Variants in CARF observed in about 807,000 individuals in gnomAD.
The protein encoded by CARF is calcium responsive transcription factor, also known as calcium-responsive transcription factor.
A neutral mutation model predicts 82.0 loss-of-function variants in CARF; 57 were observed. The observed-to-expected ratio is 0.70, with a 90% CI of 0.56 to 0.87. The LOEUF (loss-of-function observed/expected upper bound fraction) is 0.87. Ranked by LOEUF, CARF falls within the 40% of genes least tolerant of loss-of-function variation. CARF has a pLI of 0.00. For synonymous variants in CARF, 268 were observed against 290.1 expected, an observed-to-expected ratio of 0.92 and a Z score of 0.77; for missense variants, 771 against 855.8, an observed-to-expected ratio of 0.90 and a Z score of 1.24.
rs2060486201 is a variant in CARF at position 202,987,534 on chromosome 2, A to G, written c.*3910A>G. Among the ~76,000 whole-genome samples, 1 of 152,310 alleles carries G rather than the reference A, an allele frequency of 6.6e-6. No individual in the cohort carries two copies. Among genetic ancestry groups the G allele is most frequent in the East Asian group, 1.9e-4 (1 of 5,186 alleles). On this transcript the variant is annotated 3_prime_UTR_variant, in exon 17 of 17. Coordinates refer to ENST00000438828, the MANE Select transcript of CARF (RefSeq NM_024744.17). ...ATCTGTCATTCTACTTAATTAACTT[A>G]GTCATAAGGACAAAGCCTTAGTATA...
At chr2:202,915,429 G>A (rs1027454364) in intron 1 of CARF, among the ~76,000 whole-genome samples, 1 of 152,106 alleles carries the variant, frequency 6.6e-6, no homozygotes, top group Admixed American at 6.5e-5. Context: ...CAATAGCTGC[G>A]ATTGCAGGCT....
intron 2 of CARF, among the ~76,000 whole-genome samples, chr2:202,921,175 G>A (rs554236185): frequency 2.0e-4 from 31 of 152,168 alleles, no homozygotes; most frequent in African/African-American, 7.2e-4. Context: ...CTCATTTTTT[G>A]TATTTTTGGT....
At chr2:202,920,151 C>A (rs1022747608) in intron 2 of CARF, among the ~76,000 whole-genome samples, 1 of 151,420 alleles carries the variant, frequency 6.6e-6, no homozygotes, top group Non-Finnish European at 1.5e-5. Flanking sequence ...CAATTAAATT[C>A]ATAATCTTTT....
rs886624895 is a variant in CARF at position 202,971,701 on chromosome 2, G to A, written c.1294G>A (p.Gly432Arg). The A allele has an allele frequency of 5.0e-6, 8 of 1,613,274 alleles. 1 individual carries two copies. Among genetic ancestry groups the A allele is most frequent in the South Asian group, 4.4e-5 (4 of 91,044 alleles). The change falls in exon 12 of 17, where the codon GGA becomes AGA. Residue 432 changes from glycine (G) to arginine (R), a missense_variant. Gly to Arg is a moderately radical substitution (Grantham distance 125). Coordinates refer to ENST00000438828, the MANE Select transcript of CARF (RefSeq NM_024744.17). The part of the protein sequence containing the change: ...AHKIQELVSQ[G>R]IEQVYAVRKQ... ...TAAGATTCAAGAATTAGTATCACAGGGAATAGAACAAGTGTATGCAGTAAG... is the reference window on the plus strand; with the variant it reads ...TAAGATTCAAGAATTAGTATCACAGAGAATAGAACAAGTGTATGCAGTAAG...
At chr2:202,964,270 CTTTG>C (rs150872062) in intron 9 of CARF, among the ~76,000 whole-genome samples, 15 of 151,656 alleles carry the variant, frequency 9.9e-5, no homozygotes, top group Non-Finnish European at 1.2e-4. Context: ...GTTTAAAAAT[CTTTG>C]TTTGTTTGTT....
rs376224985 is a variant in CARF, at chr2:202,915,120, G to A, written c.-330+2018G>A. Among the ~76,000 whole-genome samples the A allele has an allele frequency of 6.1e-4, 93 of 151,420 alleles. 1 individual carries two copies. The East Asian group carries it at 0.012, about 20-fold the overall frequency. On this transcript the variant is annotated intron_variant, in intron 1 of 16. Transcript: ENST00000438828. ...CAACCTCCGCCTTCCAGGTTGAAGC[G>A]ATTCTCCTGCCTCAGCTTCCCGAGT...
chr2:202,952,673 C>A lies in CARF; in HGVS notation c.421C>A (p.Pro141Thr). Residue 141 changes from proline to threonine, a missense_variant, in exon 6 of 17, where the codon CCT becomes ACT. Transcript: ENST00000438828. The stretch of plus-strand genomic sequence containing the variant: ...GGGGCAACTTGTGGATGTGAATAGT[C>A]CTCGGGGTGAGTAACAACGGGATAT... ...PQGQLVDVNS[P>T]RDVPEEKPSN... The A allele has an allele frequency of 6.2e-7, 1 of 1,610,952 alleles. No individual in the cohort carries two copies. The highest frequency in any genetic ancestry group is 1.1e-5 in the South Asian group (1 of 90,516).
chr2:202,948,369 T>C (rs544610774), intron 5 of CARF, among the ~76,000 whole-genome samples: 1 of 152,154 alleles, frequency 6.6e-6, no homozygotes, highest in Non-Finnish European at 1.5e-5. Flanking sequence ...TTTAAAATAG[T>C]TTTTTTCTGG....
At chr2:202,942,011 C>T in intron 4 of CARF, 31 bp downstream of exon 4, 1 of 1,546,772 alleles carries the variant, frequency 6.5e-7, no homozygotes, top group Non-Finnish European at 8.9e-7. Flanking sequence ...CTTTTTCCAT[C>T]CTAGGGTAAA....
rs74267853 is a variant in CARF at position 202,958,994 on chromosome 2, T to C, written c.643-2243T>C. Among the ~76,000 whole-genome samples, 143 of 152,138 alleles carry C rather than the reference T, an allele frequency of 9.4e-4. 1 individual carries two copies. The East Asian group carries it at 0.025, about 26-fold the overall frequency. ...ATATTGTTTAGTAATCTTTTATTTT[T>C]TGAATTTCTCATTTAATGATGTTTT... On this transcript the variant is annotated intron_variant, in intron 8 of 16. Transcript: ENST00000438828.
chr2:202,969,665 G>A (rs2105908795), intron 10 of CARF, among the ~76,000 whole-genome samples: 2 of 152,112 alleles, frequency 1.3e-5, no homozygotes, highest in South Asian at 4.1e-4. Flanking sequence ...AGAATGAAGA[G>A]AAGGCAAATC....
chr2:202,953,893 A>G, intron 6 of CARF, 112 bp from the exon 7 acceptor site: 1 of 865,630 alleles, frequency 1.2e-6, no homozygotes, highest in Non-Finnish European at 1.6e-6. Flanking sequence ...TTTACTCTCA[A>G]TAAAGCATAA....
At chr2:202,951,916 TCTGCCTCCCAGATTCAAG>T in intron 5 of CARF, among the ~76,000 whole-genome samples, 1 of 151,392 alleles carries the variant, frequency 6.6e-6, no homozygotes, top group African/African-American at 2.4e-5. Context: ...CACTGCAACC[TCTGCCTCCCAGATTCAAG>T]TGATTCTCCT....
intron 12 of CARF, among the ~76,000 whole-genome samples, chr2:202,972,903 A>G (rs1200456433): frequency 2.6e-5 from 4 of 152,162 alleles, no homozygotes; most frequent in Non-Finnish European, 4.4e-5. Context: ...TCCTTGAGTT[A>G]TATCGTTCTG....
At chr2:202,973,641 C>T in intron 12 of CARF, 3 of 282,986 alleles carry the variant, frequency 1.1e-5, no homozygotes, top group South Asian at 1.0e-4. Flanking sequence ...GTTCTATCAT[C>T]TGTAAAGTGG....
At chr2:202,937,458 TA>T (rs146618805) in intron 3 of CARF, among the ~76,000 whole-genome samples, 6,423 of 152,112 alleles carry the variant, frequency 0.042, 439 homozygotes, top group African/African-American at 0.14. Flanking sequence ...TTTTTTGAAA[TA>T]TTTTTTTTTG....
chr2:202,932,647 T>TGCAGCAGCAGCAGCA (rs374632298), intron 3 of CARF, among the ~76,000 whole-genome samples: 2 of 151,536 alleles, frequency 1.3e-5, no homozygotes, highest in African/African-American at 4.8e-5. Flanking sequence ...TGAGGCCAGT[T>TGCAGCAGCAGCAGCA]GCAGCAGCAG....
chr2:202,943,985 G>C (rs1315180575), intron 5 of CARF, among the ~76,000 whole-genome samples: 1 of 152,112 alleles, frequency 6.6e-6, no homozygotes, highest in Non-Finnish European at 1.5e-5. Flanking sequence ...TCACTGACCT[G>C]CAAGCCACTT....
chr2:202,961,531 A>T (rs1236562268), intron 9 of CARF, 105 bp downstream of exon 9: 1 of 940,294 alleles, frequency 1.1e-6, no homozygotes, highest in African/African-American at 1.6e-5. Flanking sequence ...GTAGCTGACA[A>T]TTGAATGCTA....
Sources: gnomAD v4.1 joint callset for allele counts (sites outside exome capture counted in the v4.1 genomes callset) on GRCh38, gnomAD v4.1.1 for gene constraint, MANE v1.5 for transcripts, NCBI Gene and HGNC (gene_info 2026-07-23, HGNC 2026-07-21) for gene names.